The following DNAH11 variants were observed in gnomAD, a reference collection of about 807,000 sequenced individuals.
DNAH11 encodes the protein dynein axonemal heavy chain 11.
Under a neutral mutation model 526.0 loss-of-function variants are expected in DNAH11, and 442 were observed. The ratio of observed to expected loss-of-function variants is 0.84; its 90% CI spans 0.78 to 0.91. The LOEUF (loss-of-function observed/expected upper bound fraction) is 0.91. Among genes scored for constraint, DNAH11 ranks in the 40% least tolerant of loss-of-function variants. The probability of loss-of-function intolerance (pLI) is 0.00; values close to 1 mark genes in which losing one functional copy is unlikely to be tolerated. For synonymous variants in DNAH11, 2,461 were observed against 1,935.9 expected, an observed-to-expected ratio of 1.27 and a Z score of -7.12; for missense variants, 6,989 against 5,448.7, an observed-to-expected ratio of 1.28 and a Z score of -8.90.
In DNAH11 at chr7:21,899,127, A is replaced by C. The variant is rs187591281; in HGVS notation, c.13050-209A>C. ...CCTCAGTGTATCTTGCTCTAATGTA[A>C]ACGCTACAGTCATCAAGTCTCCAAT... On this transcript the variant is annotated intron_variant, in intron 79 of 81. Transcript: ENST00000409508. 7.4e-4 allele frequency among the ~76,000 whole-genome samples: 112 copies of C among 152,344 alleles called. 1 individual carries two copies. Among genetic ancestry groups the C allele is most frequent in the Middle Eastern group, 3.4e-3 (1 of 294 alleles).
intron 18 of DNAH11, among the ~76,000 whole-genome samples, chr7:21,602,884 G>T (rs963258402): frequency 2.6e-5 from 4 of 151,764 alleles, no homozygotes; most frequent in Non-Finnish European, 4.4e-5. Context: ...TTTTATTGAG[G>T]TGAAATGTAC....
At chr7:21,660,097 G>A in intron 30 of DNAH11, among the ~76,000 whole-genome samples, 1 of 151,990 alleles carries the variant, frequency 6.6e-6, no homozygotes, top group Admixed American at 6.6e-5. Context: ...TTCCTACGGT[G>A]CCATCTTTGC....
At chr7:21,889,254 G>A (rs1359799398) in intron 76 of DNAH11, among the ~76,000 whole-genome samples, 1 of 152,214 alleles carries the variant, frequency 6.6e-6, no homozygotes, top group Non-Finnish European at 1.5e-5. Flanking sequence ...TCTGAATAAT[G>A]TTCCATTGTA....
At chr7:21,824,411 A>G (rs1170511913) in intron 65 of DNAH11, among the ~76,000 whole-genome samples, 4 of 152,104 alleles carry the variant, frequency 2.6e-5, no homozygotes, top group Non-Finnish European at 4.4e-5. Context: ...GACATAGTAA[A>G]TATTATTTAC....
intron 62 of DNAH11, among the ~76,000 whole-genome samples, chr7:21,803,703 G>A (rs1177977175): frequency 6.6e-6 from 1 of 151,492 alleles, no homozygotes; most frequent in Non-Finnish European, 1.5e-5. Context: ...GGAAAAGTGG[G>A]GAATGGGGCT....
rs114766507 is a variant in DNAH11 at position 21,706,289 on chromosome 7, C to T, written c.6546+752C>T. 6.5e-3 allele frequency among the ~76,000 whole-genome samples: 979 copies of T among 151,756 alleles called. 11 individuals carry two copies. The highest frequency in any genetic ancestry group is 0.021 in the African/African-American group (878 of 41,338). ...CATACTTATTTTCTCGGTTGGCAGA[C>T]GGTATATGCAGAACTGCATGCATTT... On this transcript the variant is annotated intron_variant, in intron 39 of 81. Coordinates refer to ENST00000409508, the MANE Select transcript of DNAH11 (RefSeq NM_001277115.2).
chr7:21,694,500 TC>T (rs1445378040), intron 35 of DNAH11, among the ~76,000 whole-genome samples: 1 of 152,222 alleles, frequency 6.6e-6, no homozygotes, highest in Non-Finnish European at 1.5e-5. Flanking sequence ...GTTTCCAGCT[TC>T]ATCCATGTCC....
At chr7:21,558,766 C>A in intron 2 of DNAH11, 36 bp from the exon 3 acceptor site, 1 of 1,485,204 alleles carries the variant, frequency 6.7e-7, no homozygotes, top group Non-Finnish European at 9.1e-7. Context: ...AATGCATTGT[C>A]TGTAAATTAA....
At position 21,784,537 on chromosome 7, in the gene DNAH11, C is replaced by T; in HGVS notation, c.9594C>T (p.Asn3198=). 1 of 1,600,298 alleles carries T rather than the reference C, an allele frequency of 6.2e-7. No homozygotes were observed. Among genetic ancestry groups the T allele is most frequent in the Non-Finnish European group, 8.5e-7 (1 of 1,173,344 alleles). ...CTACAGCTGCACTCAATACACTCAACAGGGTAAAGATAATTTATTGGTCCC... is the reference window on the plus strand; with the variant it reads ...CTACAGCTGCACTCAATACACTCAATAGGGTAAAGATAATTTATTGGTCCC... ...VAATAALNTL[N]RVNLSELKAF... Residue 3198 remains asparagine (N), a synonymous_variant, in exon 58 of 82, where the codon AAC becomes AAT. Transcript: ENST00000409508.
intron 28 of DNAH11, among the ~76,000 whole-genome samples, chr7:21,642,269 T>G (rs545975364): frequency 2.7e-5 from 4 of 149,986 alleles, no homozygotes; most frequent in African/African-American, 7.5e-5. Flanking sequence ...TAGAAGTGTT[T>G]AGCAGCCTTT....
intron 35 of DNAH11, among the ~76,000 whole-genome samples, chr7:21,696,916 A>T (rs1005248135): frequency 6.6e-6 from 1 of 152,338 alleles, no homozygotes; most frequent in African/African-American, 2.4e-5. Context: ...ATTAATGTAG[A>T]TATAAAATAC....
Position 21,765,569 on chromosome 7 carries a change from G to A in DNAH11, c.9082G>A (p.Glu3028Lys). 2 of 1,582,204 alleles carry A rather than the reference G, an allele frequency of 1.3e-6. No individual in the cohort carries two copies. The highest frequency in any genetic ancestry group is 1.7e-6 in the Non-Finnish European group (2 of 1,158,384). Reference sequence around the variant, plus strand: ...GGTCTCCGTCAGCAGGAGGTTCATTGAGGAAACCAAGGGAATTGAGGTATG... The same window carrying A: ...GGTCTCCGTCAGCAGGAGGTTCATTAAGGAAACCAAGGGAATTGAGGTATG... ...ALVSVSRRFI[E>K]ETKGIEPVHK... The change falls in exon 55 of 82, where the codon GAG becomes AAG. Residue 3028 changes from glutamate to lysine, a missense_variant. By Grantham distance (56) the Glu-to-Lys change is moderately conservative (BLOSUM62 1). Coordinates refer to ENST00000409508, the MANE Select transcript of DNAH11 (RefSeq NM_001277115.2).
chr7:21,698,708 A>G (rs1783948546), intron 36 of DNAH11, among the ~76,000 whole-genome samples: 1 of 151,928 alleles, frequency 6.6e-6, no homozygotes, highest in African/African-American at 2.4e-5. Context: ...TTCTTTATCC[A>G]CTCATTGGCT....
chr7:21,575,252 A>G (rs752517748), intron 8 of DNAH11, among the ~76,000 whole-genome samples: 10 of 152,296 alleles, frequency 6.6e-5, no homozygotes, highest in Non-Finnish European at 4.4e-5. Context: ...GAAAGGAATA[A>G]GTTCATCTGT....
intron 2 of DNAH11, among the ~76,000 whole-genome samples, chr7:21,554,494 C>T (rs556865841): frequency 2.0e-5 from 3 of 152,070 alleles, no homozygotes; most frequent in East Asian, 1.9e-4. Flanking sequence ...ATTATTATCT[C>T]GTTTGGGATT....
At chr7:21,563,560 A>G (rs1241684041) in intron 5 of DNAH11, among the ~76,000 whole-genome samples, 2 of 134,916 alleles carry the variant, frequency 1.5e-5, no homozygotes, top group African/African-American at 2.8e-5. Context: ...TAAACTTCAC[A>G]TAACATAAAA....
chr7:21,566,708 A>G (rs1480963486), intron 6 of DNAH11, among the ~76,000 whole-genome samples: 1 of 152,140 alleles, frequency 6.6e-6, no homozygotes, highest in Admixed American at 6.5e-5. Context: ...ATTTTAAAAT[A>G]AGTTTTTTTA....
intron 35 of DNAH11, among the ~76,000 whole-genome samples, chr7:21,692,251 C>T (rs1451430779): frequency 2.0e-5 from 3 of 152,178 alleles, no homozygotes; most frequent in Admixed American, 6.5e-5. Context: ...TAATTTAATA[C>T]AATCAAGTGT....
At chr7:21,553,713 T>C (rs1029216242) in intron 2 of DNAH11, among the ~76,000 whole-genome samples, 1 of 152,214 alleles carries the variant, frequency 6.6e-6, no homozygotes, top group African/African-American at 2.4e-5. Context: ...ACCTCTTTCT[T>C]TGTGTCGAAA....
Sources: allele counts gnomAD v4.1 joint callset (sites outside exome capture counted in the v4.1 genomes callset), GRCh38; gene constraint gnomAD v4.1.1; transcripts MANE v1.5; gene names NCBI Gene and HGNC (gene_info 2026-07-23, HGNC 2026-07-21).